The following CNOT4 variants were observed in gnomAD, a reference collection of about 807,000 sequenced individuals.
The protein encoded by CNOT4 is CCR4-associated factor 4.
Under a neutral mutation model 73.8 loss-of-function variants are expected in CNOT4, and 8 were observed. The observed-to-expected ratio is 0.11, with a 90% CI of 0.06 to 0.20. The LOEUF (loss-of-function observed/expected upper bound fraction) is 0.20, where lower values mean the gene tolerates loss of function less well. Among genes scored for constraint, CNOT4 ranks in the 10% least tolerant of loss-of-function variants. The pLI, the probability that CNOT4 is intolerant of heterozygous loss-of-function variation, is 1.00. For missense variants in CNOT4, 564 were observed against 883.4 expected (o/e 0.64, Z 4.58); for synonymous variants, 293 against 321.1 (o/e 0.91, Z 0.94).
In CNOT4 at chr7:135,450,522, T is replaced by C. The variant is rs577050752; in HGVS notation, c.-92-12099A>G. On this transcript the variant is annotated intron_variant, in intron 1 of 11. Transcript: ENST00000541284. ...GTGCACACCACCACGCCTGGCTAAT[T>C]TTTGTATTTTTGGTACAGACGGGGT... Among the ~76,000 whole-genome samples, 6 of 152,160 alleles carry C rather than the reference T, an allele frequency of 3.9e-5. No homozygotes were observed. The South Asian group carries it at 1.2e-3, about 32-fold the overall frequency.
At chr7:135,469,723 T>A (rs1031996887) in intron 1 of CNOT4, among the ~76,000 whole-genome samples, 1 of 152,216 alleles carries the variant, frequency 6.6e-6, no homozygotes, top group African/African-American at 2.4e-5. Context: ...ATTCTATATA[T>A]TAACCCAAGA....
intron 1 of CNOT4, among the ~76,000 whole-genome samples, chr7:135,469,904 C>G (rs1165851738): frequency 6.6e-6 from 1 of 152,058 alleles, no homozygotes; most frequent in Non-Finnish European, 1.5e-5. Flanking sequence ...CCATTGCAAC[C>G]TCCACCTCCT....
intron 10 of CNOT4, among the ~76,000 whole-genome samples, chr7:135,369,386 A>C (rs1795075288): frequency 6.6e-6 from 1 of 152,326 alleles, no homozygotes; most frequent in African/African-American, 2.4e-5. Flanking sequence ...TTAAATAATA[A>C]ATACACCCTT....
In CNOT4 at chr7:135,495,696, AAGAAAGAAAG is replaced by A. The variant is rs1563083507; in HGVS notation, c.-93+14183_-93+14192del. 9.9e-4 allele frequency among the ~76,000 whole-genome samples: 24 copies of A among 24,344 alleles called. 1 individual carries two copies. Among genetic ancestry groups the A allele is most frequent in the African/African-American group, 3.1e-3 (24 of 7,630 alleles). 16.0% of individuals were successfully genotyped at this position (24,344 alleles called of 152,430 possible). A position where few individuals can be genotyped will look rare whatever the true frequency, so the allele number is the denominator to read the frequency against. On this transcript the variant is annotated intron_variant, in intron 1 of 11. Transcript: ENST00000541284. Reference sequence around the variant, plus strand: ...AAAAAAAAAAAAAAAAAAAAAAAGAAAGAAAGAAAGAAAGAAAGAAAGAAAGAAAGAAAGA... The same window carrying A: ...AAAAAAAAAAAAAAAAAAAAAAAGAAAAAGAAAGAAAGAAAGAAAGAAAGA...
chr7:135,380,184 G>C (rs1206018292), intron 10 of CNOT4, among the ~76,000 whole-genome samples: 1 of 151,866 alleles, frequency 6.6e-6, no homozygotes, highest in Non-Finnish European at 1.5e-5. Context: ...GTGTAACACA[G>C]AGTAGCTCTT....
At chr7:135,378,903 T>C (rs1795673851) in intron 10 of CNOT4, among the ~76,000 whole-genome samples, 3 of 150,896 alleles carry the variant, frequency 2.0e-5, no homozygotes, top group Non-Finnish European at 4.4e-5. Flanking sequence ...GAGGATCACT[T>C]GAGCCAGGGA....
intron 10 of CNOT4, among the ~76,000 whole-genome samples, chr7:135,373,096 A>AAGTATATAC (rs1197729966): frequency 2.3e-4 from 35 of 152,364 alleles, no homozygotes; most frequent in Admixed American, 1.1e-3. Flanking sequence ...AAAGCTTAGA[A>AAGTATATAC]AAGATGGGTA....
At chr7:135,382,622 G>A (rs921064815) in intron 10 of CNOT4, among the ~76,000 whole-genome samples, 10 of 150,712 alleles carry the variant, frequency 6.6e-5, no homozygotes, top group African/African-American at 2.4e-4. Context: ...AGGTACCTGG[G>A]GTTTTCACAT....
intron 1 of CNOT4, among the ~76,000 whole-genome samples, chr7:135,458,698 A>G (rs1800696361): frequency 6.6e-6 from 1 of 152,090 alleles, no homozygotes; most frequent in Non-Finnish European, 1.5e-5. Context: ...TTCTTTGCTC[A>G]TTCTTATGAG....
chr7:135,477,595 C>T (rs1483038683), intron 1 of CNOT4, among the ~76,000 whole-genome samples: 5 of 152,130 alleles, frequency 3.3e-5, no homozygotes, highest in Admixed American at 1.3e-4. Flanking sequence ...TTTCACTTTA[C>T]GTGACACTGC....
chr7:135,436,045 G>A (rs1367708224), intron 2 of CNOT4, among the ~76,000 whole-genome samples: 2 of 150,962 alleles, frequency 1.3e-5, no homozygotes, highest in African/African-American at 4.9e-5. Context: ...GTTTTCTCTT[G>A]AGCTGATCTA....
At chr7:135,509,499 A>ACCTCT (rs1251861214) in intron 1 of CNOT4, 2 of 152,720 alleles carry the variant, frequency 1.3e-5, no homozygotes, top group African/African-American at 4.8e-5. Context: ...CGGGGGCCAG[A>ACCTCT]GGGAAAGGAC....
At chr7:135,471,585 T>C (rs1482648969) in intron 1 of CNOT4, among the ~76,000 whole-genome samples, 1 of 152,342 alleles carries the variant, frequency 6.6e-6, no homozygotes, top group South Asian at 2.1e-4. Context: ...ATAGGCAGAA[T>C]AGCAGCCTTG....
chr7:135,418,749 C>CT (rs775611489), intron 3 of CNOT4, among the ~76,000 whole-genome samples: 4 of 152,164 alleles, frequency 2.6e-5, no homozygotes, highest in Non-Finnish European at 5.9e-5. Flanking sequence ...CCAGGGCACT[C>CT]TTCTTTATGT....
Position 135,448,541 on chromosome 7 carries a change from A to AAGGGAGGG in CNOT4, c.-92-10126_-92-10119dup, listed in dbSNP as rs574926045. Among the ~76,000 whole-genome samples the AAGGGAGGG allele has an allele frequency of 4.3e-5, 6 of 140,538 alleles. 1 individual carries two copies. In the South Asian group the frequency reaches 1.1e-3, roughly 25 times the overall value. 92.2% of individuals were successfully genotyped at this position (140,538 alleles called of 152,430 possible). ...CAACTCTGTCAAAAAAAGAAAAAAA[A>AAGGGAGGG]AGGGAGGGAGGGAGGGAGGGAAGGA... On this transcript the variant is annotated intron_variant, in intron 1 of 11. Transcript: ENST00000541284.
At chr7:135,406,466 C>T (rs1313229519) in intron 7 of CNOT4, among the ~76,000 whole-genome samples, 1 of 151,696 alleles carries the variant, frequency 6.6e-6, no homozygotes, top group Admixed American at 6.6e-5. Flanking sequence ...TTGAGACCAG[C>T]CTGGGCAACA....
At chr7:135,455,451 A>T (rs1330679665) in intron 1 of CNOT4, among the ~76,000 whole-genome samples, 3 of 152,164 alleles carry the variant, frequency 2.0e-5, no homozygotes, top group Admixed American at 6.5e-5. Context: ...ATACACATTT[A>T]AAAAACAATT....
chr7:135,376,790 A>G (rs1585552193), intron 10 of CNOT4, among the ~76,000 whole-genome samples: 1 of 152,244 alleles, frequency 6.6e-6, no homozygotes, highest in South Asian at 2.1e-4. Context: ...TTAAATCAAC[A>G]TAACAAAAAT....
At chr7:135,463,839 AAAAC>A (rs1294311012) in intron 1 of CNOT4, among the ~76,000 whole-genome samples, 2 of 152,040 alleles carry the variant, frequency 1.3e-5, no homozygotes, top group African/African-American at 2.4e-5. Context: ...TTACAAGAGA[AAAAC>A]AAACAATCTC....
Sources: gnomAD v4.1 joint callset for allele counts (sites outside exome capture counted in the v4.1 genomes callset) on GRCh38, gnomAD v4.1.1 for gene constraint, MANE v1.5 for transcripts, NCBI Gene and HGNC (gene_info 2026-07-23, HGNC 2026-07-21) for gene names.